ADGRG4: variants seen among roughly 807,000 people sequenced by gnomAD.
ADGRG4 encodes G protein-coupled receptor 112.
ADGRG4 carries 122 observed loss-of-function variants against 126.2 expected under a neutral mutation model. The ratio of observed to expected loss-of-function variants is 0.97; its 90% CI spans 0.83 to 1.12. The LOEUF is 1.12. ADGRG4 is among the 50% of genes most tolerant of loss of function. ADGRG4 has a pLI of 0.00. For synonymous variants in ADGRG4, 943 were observed against 838.7 expected (o/e 1.12, Z -2.15); for missense variants, 2,481 against 2,251.8 (o/e 1.10, Z -2.06).
intron 18 of ADGRG4, among the ~76,000 whole-genome samples, 182 bp from the exon 19 acceptor site, chrX:136,395,208 C>T (rs2075339853): frequency 9.0e-6 from 1 of 111,347 alleles, no homozygotes; most frequent in Non-Finnish European, 1.9e-5. Context: ...TTACGAAGTC[C>T]CCAAAAAGTC....
Position 136,348,787 on chromosome X carries a change from C to A in ADGRG4, c.5081C>A (p.Thr1694Asn), listed in dbSNP as rs765676084. The A allele has an allele frequency of 8.3e-7, 1 of 1,208,995 alleles. No individual in the cohort carries two copies. Among genetic ancestry groups the A allele is most frequent in the Non-Finnish European group, 1.1e-6 (1 of 894,263 alleles). ...GGAGCTATTTCCTCCATTCCAAAGA[C>A]CACATTTTCACCATTTCTATCAGCA... ...STGAISSIPKTTFSPFLSATQ... is the reference protein window; with the variant it reads ...STGAISSIPKNTFSPFLSATQ... Residue 1694 changes from threonine (T) to asparagine (N), a missense_variant, in exon 6 of 26, where the codon ACC becomes AAC. Physicochemically the swap from Thr to Asn is moderately conservative, Grantham distance 65. Coordinates refer to ENST00000394143, the MANE Select transcript of ADGRG4 (RefSeq NM_153834.4).
At chrX:136,378,573 G>A (rs2148485244) in intron 15 of ADGRG4, among the ~76,000 whole-genome samples, 1 of 111,259 alleles carries the variant, frequency 9.0e-6, no homozygotes, top group Admixed American at 9.5e-5. Flanking sequence ...TTTAATATTA[G>A]GAGAAAAGTA....
chrX:136,410,229 A>C (rs370923205), intron 23 of ADGRG4, among the ~76,000 whole-genome samples: 2 of 110,284 alleles, frequency 1.8e-5, no homozygotes, highest in African/African-American at 3.3e-5. Context: ...TTCTCACCCT[A>C]TGTTTTCCAC....
chrX:136,377,573 C>A (rs886223793), intron 15 of ADGRG4, among the ~76,000 whole-genome samples: 3 of 111,585 alleles, frequency 2.7e-5, no homozygotes, highest in Admixed American at 1.9e-4. Context: ...GTCTATGATA[C>A]CTTTGTCTAT....
intron 16 of ADGRG4, among the ~76,000 whole-genome samples, chrX:136,389,823 C>A (rs2075310214): frequency 8.9e-6 from 1 of 111,850 alleles, no homozygotes; most frequent in South Asian, 3.8e-4. Flanking sequence ...TTCCAGTCTG[C>A]TGGAGGGGAA....
intron 4 of ADGRG4, among the ~76,000 whole-genome samples, chrX:136,309,644 C>T (rs982875696): frequency 6.2e-5 from 7 of 112,006 alleles, no homozygotes; most frequent in African/African-American, 2.3e-4. Context: ...ATCATCATTG[C>T]CATCAAGAGC....
At chrX:136,410,527 C>T (rs191608390) in intron 23 of ADGRG4, among the ~76,000 whole-genome samples, 5 of 111,925 alleles carry the variant, frequency 4.5e-5, no homozygotes, top group Admixed American at 9.5e-5. Flanking sequence ...CTCTTTGATA[C>T]TAATCATTTA....
intron 5 of ADGRG4, among the ~76,000 whole-genome samples, chrX:136,344,166 T>C (rs1275523922): frequency 9.0e-6 from 1 of 111,599 alleles, no homozygotes; most frequent in African/African-American, 3.3e-5. Flanking sequence ...ATGAAGATAC[T>C]ACGAAATGGA....
intron 8 of ADGRG4, 52 bp downstream of exon 8, chrX:136,353,453 G>T: frequency 1.2e-6 from 1 of 852,363 alleles, no homozygotes; most frequent in Non-Finnish European, 1.7e-6. Context: ...GGGCATTTTG[G>T]GTCTGTTCCT....
chrX:136,392,140 T>C (rs1256040077), intron 16 of ADGRG4, 92 bp from the exon 17 acceptor site: 2 of 753,986 alleles, frequency 2.7e-6, no homozygotes, highest in East Asian at 6.9e-5. Context: ...GTACCTAACA[T>C]TGTGTGTAGC....
rs200535399 is a variant in ADGRG4, at chrX:136,363,439, C to T, written c.7278-38C>T. The T allele has an allele frequency of 1.5e-3, 1,364 of 913,339 alleles. 2 individuals carry two copies. The highest frequency in any genetic ancestry group is 2.1e-3 in the Non-Finnish European group (1,289 of 624,653). The allele number at this position is 913,339 out of a possible 1,213,427, so 75.3% of individuals were successfully genotyped here. On this transcript the variant is annotated intron_variant, in intron 12 of 25. Transcript: ENST00000394143. ...ATTTGCTTTAAGACTATCTTTGCCT[C>T]ATCCTCTGATGAGAAAGCTCTTTCC...
At position 136,363,613 on chromosome X, in the gene ADGRG4, A is replaced by G. The variant is rs1359321784; in HGVS notation, c.7396+18A>G. 5.0e-6 allele frequency: 5 copies of G among 997,719 alleles called. No individual in the cohort carries two copies. In the South Asian group the frequency reaches 5.7e-5, roughly 11 times the overall value. The allele number at this position is 997,719 out of a possible 1,213,427, so 82.2% of individuals were successfully genotyped here. On this transcript the variant is annotated intron_variant, in intron 13 of 25. Transcript: ENST00000394143. ...AAGTGATGGTAAGATTGTTTTGTACATATAAGACAAATTATGGAACTTCAA... is the reference window on the plus strand; with the variant it reads ...AAGTGATGGTAAGATTGTTTTGTACGTATAAGACAAATTATGGAACTTCAA...
intron 19 of ADGRG4, among the ~76,000 whole-genome samples, chrX:136,397,311 C>G (rs774569679): frequency 9.0e-6 from 1 of 111,123 alleles, no homozygotes; most frequent in African/African-American, 3.3e-5. Flanking sequence ...TCATGAATCT[C>G]TAATCATCTG....
chrX:136,353,500 T>C, intron 8 of ADGRG4, 99 bp downstream of exon 8: 1 of 569,801 alleles, frequency 1.8e-6, no homozygotes, highest in East Asian at 3.4e-5. Context: ...GTCTGAGATT[T>C]AGGGCTGCCA....
chrX:136,387,086 C>T (rs2075295725), intron 15 of ADGRG4, among the ~76,000 whole-genome samples: 1 of 111,691 alleles, frequency 9.0e-6, no homozygotes, highest in Admixed American at 9.5e-5. Flanking sequence ...TTATAATTGG[C>T]ATTAATCCAT....
chrX:136,339,376 G>A (rs1385221410), intron 5 of ADGRG4, among the ~76,000 whole-genome samples: 1 of 112,096 alleles, frequency 8.9e-6, no homozygotes, highest in Non-Finnish European at 1.9e-5. Context: ...TTCCCAGACT[G>A]GGTTATGTTC....
At chrX:136,331,937 C>A (rs2074913190) in intron 5 of ADGRG4, among the ~76,000 whole-genome samples, 1 of 108,586 alleles carries the variant, frequency 9.2e-6, no homozygotes, top group Non-Finnish European at 1.9e-5. Flanking sequence ...CTGCCTCAGC[C>A]TCCCAAGTAG....
In ADGRG4 at chrX:136,359,458, A is replaced by G. The variant is rs1426213679; in HGVS notation, c.7144+3A>G. On this transcript the variant is annotated splice_donor_region_variant and intron_variant, in intron 11 of 25. Transcript: ENST00000394143. ...ACACGTTGCAGTGAAAAAACTAGGT[A>G]ATTTTTTTGGGGGGTGGATATTGCA... 7.6e-6 allele frequency: 9 copies of G among 1,181,588 alleles called. No homozygotes were observed. Among genetic ancestry groups the G allele is most frequent in the Non-Finnish European group, 9.1e-6 (8 of 877,413 alleles).
chrX:136,348,435 GTC>G lies in ADGRG4; in HGVS notation c.4733_4734del (p.Ser1578PhefsTer2). 1.7e-6 allele frequency: 2 copies of G among 1,207,260 alleles called. No homozygotes were observed. Among genetic ancestry groups the G allele is most frequent in the Non-Finnish European group, 2.2e-6 (2 of 891,602 alleles). On this transcript the variant is annotated frameshift_variant, in exon 6 of 26. Transcript: ENST00000394143. LOFTEE classifies it high-confidence loss of function. The stretch of plus-strand genomic sequence containing the variant: ...TAACTCTGCTTTCACACCTGCAACA[GTC>G]TCTTCTGACACTTCCACAAGAGTTG... Reference protein sequence around the residue: ...VNNSAFTPATVSSDTSTRVGL... With the variant: ...VNNSAFTPATXSSDTSTRVGL...
Sources: allele counts gnomAD v4.1 joint callset (sites outside exome capture counted in the v4.1 genomes callset), GRCh38; gene constraint gnomAD v4.1.1; transcripts MANE v1.5; gene names NCBI Gene and HGNC (gene_info 2026-07-23, HGNC 2026-07-21).